Variants in DNAL4 observed in about 807,000 individuals in gnomAD.
DNAL4 encodes dynein light chain, outer arm 4.
In DNAL4, 10 loss-of-function variants were observed where a neutral mutation model predicts 12.6. The ratio of observed to expected loss-of-function variants is 0.79; its 90% CI spans 0.49 to 1.34. The LOEUF is 1.34. Among genes scored for constraint, DNAL4 ranks in the 40% most tolerant of loss-of-function variants. DNAL4 has a pLI of 0.00. For missense variants in DNAL4, 128 were observed against 138.1 expected, an observed-to-expected ratio of 0.93 and a Z score of 0.37; for synonymous variants, 46 against 53.1, an observed-to-expected ratio of 0.87 and a Z score of 0.58.
At position 38,782,104 on chromosome 22, in the gene DNAL4, C is replaced by T. The variant is rs1036338420; in HGVS notation, c.69+559G>A. ...GCCAGGCCTGTAGGGTCTGGCCCCA[C>T]TGGTGCTGTTATGTCCTGCCACCCT... On this transcript the variant is annotated intron_variant, in intron 2 of 3. Transcript: ENST00000216068. This position sits in a 1 kb window ranked among gnomAD's most constrained non-coding sequence, Gnocchi z 5.1. 6.6e-6 allele frequency among the ~76,000 whole-genome samples: 1 copy of T among 152,258 alleles called. No homozygotes were observed. The highest frequency in any genetic ancestry group is 1.5e-5 in the Non-Finnish European group (1 of 68,046).
At chr22:38,783,979 A>G (rs562629377) in intron 1 of DNAL4, among the ~76,000 whole-genome samples, 1 of 150,080 alleles carries the variant, frequency 6.7e-6, no homozygotes, top group Non-Finnish European at 1.5e-5. Context: ...TTTTTTTTTT[A>G]ATCTCAGAAG....
chr22:38,787,248 T>C (rs535789822), intron 1 of DNAL4, among the ~76,000 whole-genome samples: 31 of 148,756 alleles, frequency 2.1e-4, no homozygotes, highest in East Asian at 9.7e-4. Context: ...TTCTTTCTTT[T>C]TTTTTTTTTT....
chr22:38,784,974 G>GA (rs906800026), intron 1 of DNAL4, among the ~76,000 whole-genome samples: 6 of 121,900 alleles, frequency 4.9e-5, no homozygotes, highest in African/African-American at 2.1e-4. Flanking sequence ...GCCTGGCACA[G>GA]ACCCCCCCCC....
At chr22:38,780,437 G>A (rs1447295252) in intron 3 of DNAL4, among the ~76,000 whole-genome samples, 1 of 152,230 alleles carries the variant, frequency 6.6e-6, no homozygotes, top group Non-Finnish European at 1.5e-5. Flanking sequence ...CCACTGGCCA[G>A]TGTCTTGCCT....
intron 1 of DNAL4, among the ~76,000 whole-genome samples, chr22:38,790,649 C>A (rs1358856723): frequency 6.6e-6 from 1 of 152,304 alleles, no homozygotes; most frequent in East Asian, 1.9e-4. Flanking sequence ...TCAACACAGT[C>A]ATGCGTTGCT....
intron 1 of DNAL4, among the ~76,000 whole-genome samples, chr22:38,793,576 G>A (rs1322550271): frequency 2.0e-5 from 3 of 152,194 alleles, no homozygotes; most frequent in Admixed American, 6.5e-5. Flanking sequence ...ACGTCAGAGT[G>A]GAAGAGGCCT....
chr22:38,789,474 C>T (rs1459035857), intron 1 of DNAL4, among the ~76,000 whole-genome samples: 2 of 152,100 alleles, frequency 1.3e-5, no homozygotes, highest in African/African-American at 4.8e-5. Flanking sequence ...CGGGGTTTTG[C>T]CATGTTGCCC....
chr22:38,780,829 A>G (rs1311071673), intron 3 of DNAL4, 97 bp downstream of exon 3: 3 of 1,220,952 alleles, frequency 2.5e-6, no homozygotes, highest in South Asian at 1.3e-5. Flanking sequence ...TCATCCTAGC[A>G]GTACTGTCTG....
Position 38,779,646 on chromosome 22 carries a change from C to T in DNAL4, c.154-33G>A. 1 of 1,577,200 alleles carries T rather than the reference C, an allele frequency of 6.3e-7. No individual in the cohort carries two copies. The highest frequency in any genetic ancestry group is 1.7e-4 in the Middle Eastern group (1 of 6,000). ...GAAGAGGGCACTTATCAAGGGGGCG[C>T]AGGGCAGGTGGGGGCAGGAGTCAGG... On this transcript the variant is annotated intron_variant, in intron 3 of 3. Coordinates refer to ENST00000216068, the MANE Select transcript of DNAL4 (RefSeq NM_005740.3). This position sits in a 1 kb window ranked among gnomAD's most constrained non-coding sequence, Gnocchi z 4.3.
At chr22:38,790,330 G>C (rs1338727906) in intron 1 of DNAL4, among the ~76,000 whole-genome samples, 1 of 152,218 alleles carries the variant, frequency 6.6e-6, no homozygotes, top group Non-Finnish European at 1.5e-5. Context: ...TTGAAGGAGA[G>C]TGGTGGCTTC....
chr22:38,780,349 G>C (rs1028534953), intron 3 of DNAL4, among the ~76,000 whole-genome samples: 4 of 152,206 alleles, frequency 2.6e-5, no homozygotes, highest in Non-Finnish European at 4.4e-5. Flanking sequence ...GTTGAGAAAT[G>C]GCTCATTCAA....
At chr22:38,787,244 CTT>C (rs199611279) in intron 1 of DNAL4, among the ~76,000 whole-genome samples, 39 of 142,260 alleles carry the variant, frequency 2.7e-4, no homozygotes, top group Admixed American at 2.8e-4. Flanking sequence ...TTCTTTCTTT[CTT>C]TTTTTTTTTT....
intron 1 of DNAL4, among the ~76,000 whole-genome samples, chr22:38,787,916 C>T (rs866163236): frequency 3.3e-5 from 5 of 152,120 alleles, no homozygotes; most frequent in Non-Finnish European, 4.4e-5. Context: ...GGTGCACAGC[C>T]GGCAATGGTA....
In DNAL4 at chr22:38,779,249, CTCCG is replaced by C; in HGVS notation, c.*196_*199del. ...CCGCTGCCCCGTCCACACCCTGAGA[CTCCG>C]AGGGAGACGGTTGAGAGCCTGGGGA... is the stretch of plus-strand genomic sequence containing the variant. On this transcript the variant is annotated 3_prime_UTR_variant, in exon 4 of 4. Coordinates refer to ENST00000216068, the MANE Select transcript of DNAL4 (RefSeq NM_005740.3). This position sits in a 1 kb window ranked among gnomAD's most constrained non-coding sequence, Gnocchi z 4.3. The C allele has an allele frequency of 1.5e-6, 1 of 689,010 alleles. No individual in the cohort carries two copies. Among genetic ancestry groups the C allele is most frequent in the Non-Finnish European group, 2.3e-6 (1 of 439,902 alleles). The allele number at this position is 689,010 out of a possible 1,614,324, so 42.7% of individuals were successfully genotyped here.
chr22:38,783,661 A>T (rs1249941602), intron 1 of DNAL4, among the ~76,000 whole-genome samples: 1 of 152,144 alleles, frequency 6.6e-6, no homozygotes, highest in Middle Eastern at 3.2e-3. Context: ...AGCAGCTGGG[A>T]GGCTTGGGTG....
At chr22:38,783,195 C>T (rs1395938639) in intron 1 of DNAL4, among the ~76,000 whole-genome samples, 1 of 151,878 alleles carries the variant, frequency 6.6e-6, no homozygotes, top group Non-Finnish European at 1.5e-5. Flanking sequence ...CACGGTCCTT[C>T]CCTCCCACTA....
chr22:38,781,236 G>A (rs2093033836), intron 2 of DNAL4, among the ~76,000 whole-genome samples: 1 of 152,236 alleles, frequency 6.6e-6, no homozygotes, highest in African/African-American at 2.4e-5. Context: ...GCAAGGGCAC[G>A]AAGCCAGCAC....
intron 3 of DNAL4, 37 bp downstream of exon 3, chr22:38,780,889 C>A (rs753864235): frequency 6.2e-7 from 1 of 1,612,614 alleles, no homozygotes; most frequent in Non-Finnish European, 8.5e-7. Flanking sequence ...CAGGGGCCAT[C>A]AAAAGCACGA....
At chr22:38,784,999 T>G (rs2093040183) in intron 1 of DNAL4, among the ~76,000 whole-genome samples, 1 of 137,006 alleles carries the variant, frequency 7.3e-6, no homozygotes, top group African/African-American at 2.6e-5. Flanking sequence ...CCAATGACAT[T>G]GGTATTTTCT....
Sources: allele counts gnomAD v4.1 joint callset (sites outside exome capture counted in the v4.1 genomes callset), GRCh38; gene constraint gnomAD v4.1.1; non-coding constraint Gnocchi (gnomAD v3.1); transcripts MANE v1.5; gene names NCBI Gene and HGNC (gene_info 2026-07-23, HGNC 2026-07-21).